Variants in CSMD1 observed in about 807,000 individuals in gnomAD.
The protein encoded by CSMD1 is CUB and sushi domain-containing protein 1.
A neutral mutation model predicts 417.5 loss-of-function variants in CSMD1; 213 were observed. The observed-to-expected ratio is 0.51, with a 90% CI of 0.46 to 0.57. CSMD1 has a LOEUF of 0.57. Among genes scored for constraint, CSMD1 ranks in the 20% least tolerant of loss-of-function variants. The pLI, the probability that CSMD1 is intolerant of heterozygous loss-of-function variation, is 0.00. For synonymous variants in CSMD1, 2,862 were observed against 1,736.8 expected, an observed-to-expected ratio of 1.65 and a Z score of -16.11; for missense variants, 6,923 against 4,529.7, an observed-to-expected ratio of 1.53 and a Z score of -15.17.
chr8:2,938,575 G>A lies in CSMD1; in HGVS notation c.*10C>T. The stretch of plus-strand genomic sequence containing the variant: ...ATGGCTATGAATCAGTCCTGTTGGG[G>A]CACTGAGGGCTATACCACTGTACAG... On this transcript the variant is annotated 3_prime_UTR_variant, in exon 70 of 70. Coordinates refer to ENST00000635120, the MANE Select transcript of CSMD1 (RefSeq NM_033225.6). 1.2e-6 allele frequency: 2 copies of A among 1,608,472 alleles called. No homozygotes were observed. The highest frequency in any genetic ancestry group is 1.1e-5 in the South Asian group (1 of 89,794).
chr8:4,048,285 A>G (rs956297109), intron 3 of CSMD1, among the ~76,000 whole-genome samples: 45 of 152,212 alleles, frequency 3.0e-4, no homozygotes, highest in African/African-American at 1.0e-3. Context: ...ACTAATTATG[A>G]GCATAAGATT....
intron 1 of CSMD1, among the ~76,000 whole-genome samples, chr8:4,700,133 T>G (rs996233099): frequency 6.6e-6 from 1 of 152,172 alleles, no homozygotes; most frequent in Non-Finnish European, 1.5e-5. Flanking sequence ...TTTTGTTTAA[T>G]TTTTATTTTT....
chr8:4,908,609 G>C (rs1215953277), intron 1 of CSMD1, among the ~76,000 whole-genome samples: 1 of 139,432 alleles, frequency 7.2e-6, no homozygotes, highest in Non-Finnish European at 1.6e-5. Flanking sequence ...CAGCAGTCAA[G>C]CTCCGAGTCT....
chr8:3,367,303 C>T (rs917911345), intron 19 of CSMD1, 56 bp from the exon 20 acceptor site: 39 of 1,226,132 alleles, frequency 3.2e-5, no homozygotes, highest in Middle Eastern at 4.1e-4. Flanking sequence ...CACGGGGCGG[C>T]GGGGGCAGAG....
chr8:3,267,827 G>C (rs1295617987), intron 26 of CSMD1, among the ~76,000 whole-genome samples: 3 of 152,162 alleles, frequency 2.0e-5, no homozygotes, highest in African/African-American at 7.2e-5. Flanking sequence ...CACCCAGCTG[G>C]GCCAACCATT....
At chr8:4,336,823 A>G (rs967991401) in intron 3 of CSMD1, among the ~76,000 whole-genome samples, 5 of 152,112 alleles carry the variant, frequency 3.3e-5, no homozygotes, top group Non-Finnish European at 7.4e-5. Flanking sequence ...CAGTAACTAG[A>G]GATGGAATGA....
chr8:4,672,065 G>T (rs1805365420), intron 1 of CSMD1, among the ~76,000 whole-genome samples: 1 of 152,156 alleles, frequency 6.6e-6, no homozygotes, highest in Non-Finnish European at 1.5e-5. Context: ...TTTGTTGAAA[G>T]ATAGAGTTTC....
rs554909705 is a variant in CSMD1 at position 3,894,580 on chromosome 8, A to G, written c.818+103323T>C. Among the ~76,000 whole-genome samples the G allele has an allele frequency of 1.8e-3, 267 of 152,302 alleles. 2 individuals carry two copies. The highest frequency in any genetic ancestry group is 1.6e-3 in the Non-Finnish European group (111 of 68,024). On this transcript the variant is annotated intron_variant, in intron 5 of 69. Coordinates refer to ENST00000635120, the MANE Select transcript of CSMD1 (RefSeq NM_033225.6). The stretch of plus-strand genomic sequence containing the variant: ...TAAAATAGATTTCTACATCCTATTG[A>G]TTTGTTGTCTGTATGGGGCTATTTA...
At chr8:4,880,650 G>A (rs1296095720) in intron 1 of CSMD1, among the ~76,000 whole-genome samples, 1 of 152,006 alleles carries the variant, frequency 6.6e-6, no homozygotes, top group African/African-American at 2.4e-5. Flanking sequence ...TCCCGATGAA[G>A]CAATCGGAAG....
chr8:3,882,731 G>C (rs1230533385), intron 5 of CSMD1, among the ~76,000 whole-genome samples: 2 of 152,156 alleles, frequency 1.3e-5, no homozygotes, highest in African/African-American at 2.4e-5. Flanking sequence ...CAACAATGTA[G>C]GTGAATGTCA....
At chr8:3,295,374 C>T (rs1803890138) in intron 25 of CSMD1, among the ~76,000 whole-genome samples, 2 of 152,096 alleles carry the variant, frequency 1.3e-5, no homozygotes, top group Non-Finnish European at 1.5e-5. Context: ...GATCCACCCG[C>T]CTCGGCCTCC....
intron 2 of CSMD1, among the ~76,000 whole-genome samples, chr8:4,541,288 C>A (rs963770838): frequency 6.6e-6 from 1 of 152,130 alleles, no homozygotes; most frequent in Non-Finnish European, 1.5e-5. Flanking sequence ...TCTACTGGCA[C>A]GTGCTGATCA....
At chr8:3,478,571 G>T (rs7813988) in intron 11 of CSMD1, among the ~76,000 whole-genome samples, 2 of 151,868 alleles carry the variant, frequency 1.3e-5, no homozygotes, top group Non-Finnish European at 2.9e-5. Flanking sequence ...CAGAGCATGG[G>T]GTGACTTGTG....
chr8:3,734,056 T>TA (rs5888989), intron 6 of CSMD1, among the ~76,000 whole-genome samples: 53,102 of 151,984 alleles, frequency 0.35, 9,529 homozygotes, highest in Non-Finnish European at 0.4. Flanking sequence ...GCAAGCTGTT[T>TA]AAAAATACAA....
intron 2 of CSMD1, among the ~76,000 whole-genome samples, chr8:4,443,370 C>T (rs1008891702): frequency 6.6e-6 from 1 of 152,162 alleles, no homozygotes; most frequent in South Asian, 2.1e-4. Flanking sequence ...GAAACAACGG[C>T]TTTGATAACA....
At chr8:3,972,743 C>T (rs1313537364) in intron 5 of CSMD1, among the ~76,000 whole-genome samples, 1 of 152,112 alleles carries the variant, frequency 6.6e-6, no homozygotes, top group Non-Finnish European at 1.5e-5. Context: ...ACAGCACCAG[C>T]TAAAAGCATT....
At chr8:4,647,719 C>G (rs771646618) in intron 1 of CSMD1, among the ~76,000 whole-genome samples, 3 of 152,148 alleles carry the variant, frequency 2.0e-5, no homozygotes, top group African/African-American at 7.2e-5. Flanking sequence ...CCAGCTTCAT[C>G]CATGTCCCTG....
chr8:4,463,831 A>G (rs951856007), intron 2 of CSMD1, among the ~76,000 whole-genome samples: 2 of 152,186 alleles, frequency 1.3e-5, no homozygotes, highest in Middle Eastern at 3.2e-3. Context: ...TGATGAATGC[A>G]TAACCCCAGG....
At position 3,583,135 on chromosome 8, in the gene CSMD1, G is replaced by A. The variant is rs113814047; in HGVS notation, c.1222+3001C>T. 1.9e-3 allele frequency among the ~76,000 whole-genome samples: 288 copies of A among 152,116 alleles called. 2 individuals carry two copies. The highest frequency in any genetic ancestry group is 6.4e-3 in the African/African-American group (267 of 41,496). ...CCCTATCTTTCCTTCCTAACAGCCT[G>A]TCTTTCAGAATTCAGATATAGTGCC... On this transcript the variant is annotated intron_variant, in intron 9 of 69. Transcript: ENST00000635120.
Sources: allele counts gnomAD v4.1 joint callset (sites outside exome capture counted in the v4.1 genomes callset), GRCh38; gene constraint gnomAD v4.1.1; transcripts MANE v1.5; gene names NCBI Gene and HGNC (gene_info 2026-07-23, HGNC 2026-07-21).